NOD2: variants seen among roughly 807,000 people sequenced by gnomAD.
NOD2 encodes nucleotide-binding oligomerization domain-containing protein 2.
Under a neutral mutation model 90.9 loss-of-function variants are expected in NOD2, and 86 were observed. That is an observed-to-expected ratio of 0.95 (90% CI 0.79 to 1.13). The LOEUF (loss-of-function observed/expected upper bound fraction) is 1.13, where lower values mean the gene tolerates loss of function less well. NOD2 is among the 50% of genes most tolerant of loss of function. The pLI is 0.00. For synonymous variants in NOD2, 581 were observed against 554.6 expected (o/e 1.05, Z -0.67); for missense variants, 1,238 against 1,283.8 (o/e 0.96, Z 0.55).
At chr16:50,727,945 C>T (rs763740873) in intron 10 of NOD2, 5 of 257,638 alleles carry the variant, frequency 1.9e-5, no homozygotes, top group Middle Eastern at 7.9e-4. Flanking sequence ...AGCTTCTTCT[C>T]GGTCCAACCA....
At chr16:50,701,157 C>G (rs944661560) in intron 2 of NOD2, among the ~76,000 whole-genome samples, 7 of 152,194 alleles carry the variant, frequency 4.6e-5, no homozygotes, top group African/African-American at 1.4e-4. Flanking sequence ...ACTTATTCAT[C>G]CATCATTCAT....
chr16:50,731,945 G>A lies in NOD2; in HGVS notation c.*126G>A. ...CCCTGTCCTGCCTAAGGCTGAACTTGTTTTCTGGGAACACCATAGGTCACC... is the reference window on the plus strand; with the variant it reads ...CCCTGTCCTGCCTAAGGCTGAACTTATTTTCTGGGAACACCATAGGTCACC... On this transcript the variant is annotated 3_prime_UTR_variant, in exon 12 of 12. Transcript: ENST00000647318. 1 of 742,412 alleles carries A rather than the reference G, an allele frequency of 1.3e-6. No individual in the cohort carries two copies. 46.0% of individuals were successfully genotyped at this position (742,412 alleles called of 1,614,324 possible).
At chr16:50,723,449 A>G (rs1965158791) in intron 9 of NOD2, 65 bp downstream of exon 9, 1 of 1,431,476 alleles carries the variant, frequency 7.0e-7, no homozygotes. Context: ...CCCTGGCCTC[A>G]TCCATAGGAG....
intron 9 of NOD2, among the ~76,000 whole-genome samples, chr16:50,723,913 A>T (rs1965176860): frequency 6.6e-6 from 1 of 152,192 alleles, no homozygotes; most frequent in Admixed American, 6.5e-5. Flanking sequence ...TACAACTACT[A>T]TAGTACTGTG....
intron 10 of NOD2, chr16:50,728,072 G>T: frequency 8.9e-6 from 2 of 225,578 alleles, no homozygotes; most frequent in South Asian, 1.2e-4. Context: ...TCAAAATGAC[G>T]ATTTTCTTGG....
rs774822066 is a variant in NOD2 at position 50,711,498 on chromosome 16, C to T, written c.1506C>T (p.Asp502=). The T allele has an allele frequency of 3.1e-6, 5 of 1,613,268 alleles. No individual in the cohort carries two copies. In the African/African-American group the frequency reaches 4.0e-5, roughly 13 times the overall value. The change falls in exon 4 of 12, where the codon GAC becomes GAT. Residue 502 remains aspartate (D), a synonymous_variant. Transcript: ENST00000647318. The stretch of plus-strand genomic sequence containing the variant: ...TTCTGCTGCATGCCACCCCCCCAGA[C>T]TCAGCTTCCCAAGGTCTGGGACCCA... The part of the protein sequence containing the change: ...QHFLLHATPP[D]SASQGLGPSL...
intron 10 of NOD2, among the ~76,000 whole-genome samples, chr16:50,726,164 A>C (rs1965257379): frequency 6.6e-6 from 1 of 152,174 alleles, no homozygotes; most frequent in Non-Finnish European, 1.5e-5. Context: ...GACTTGTGCC[A>C]CAAAGAGATG....
intron 2 of NOD2, among the ~76,000 whole-genome samples, chr16:50,702,106 G>A (rs910789404): frequency 6.6e-6 from 1 of 152,116 alleles, no homozygotes; most frequent in Non-Finnish European, 1.5e-5. Context: ...CACCATACCA[G>A]GCTAATTTTT....
chr16:50,708,214 A>G (rs1044194626), intron 3 of NOD2, among the ~76,000 whole-genome samples: 1 of 152,218 alleles, frequency 6.6e-6, no homozygotes, highest in African/African-American at 2.4e-5. Context: ...GGGCTACCAT[A>G]TATTGAGGGC....
At position 50,719,984 on chromosome 16, in the gene NOD2, G is replaced by T. The variant is rs746542083; in HGVS notation, c.2609G>T (p.Gly870Val). 3.1e-6 allele frequency: 5 copies of T among 1,614,194 alleles called. No homozygotes were observed. Among genetic ancestry groups the T allele is most frequent in the Non-Finnish European group, 4.2e-6 (5 of 1,180,030 alleles). Residue 870 changes from glycine to valine, a missense_variant, in exon 7 of 12, where the codon GGC (glycine) becomes GTC (valine). Gly to Val is a moderately radical substitution (Grantham distance 109). Around this residue, in one of 3 missense-constraint regions of NOD2, gnomAD observed 667 missense variants for 688.7 expected, o/e 0.97. Coordinates refer to ENST00000647318, the MANE Select transcript of NOD2 (RefSeq NM_001370466.1). Reference protein sequence around the residue: ...GAQVLAEGLRGNTSLQFLGFW... With the variant: ...GAQVLAEGLRVNTSLQFLGFW... ...CAAGTGCTGGCCGAGGGGCTCCGAGGCAACACCTCCTTGCAGTTCCTGGGG... is the reference window on the plus strand; with the variant it reads ...CAAGTGCTGGCCGAGGGGCTCCGAGTCAACACCTCCTTGCAGTTCCTGGGG...
intron 6 of NOD2, among the ~76,000 whole-genome samples, chr16:50,718,273 A>G (rs1964886967): frequency 6.6e-6 from 1 of 152,160 alleles, no homozygotes; most frequent in African/African-American, 2.4e-5. Flanking sequence ...ATCTGCTCCC[A>G]GAGATCCCTA....
chr16:50,698,677 G>A (rs1473152226), intron 1 of NOD2, among the ~76,000 whole-genome samples: 1 of 152,146 alleles, frequency 6.6e-6, no homozygotes, highest in East Asian at 1.9e-4. Flanking sequence ...TTAGCTTCTT[G>A]GTGCCTCAGT....
chr16:50,702,792 G>T (rs763667596), intron 2 of NOD2, among the ~76,000 whole-genome samples: 1 of 152,290 alleles, frequency 6.6e-6, no homozygotes, highest in East Asian at 1.9e-4. Flanking sequence ...TGCCCAAATC[G>T]CCCATCTGGG....
chr16:50,700,022 G>A, intron 2 of NOD2, 68 bp downstream of exon 2: 1 of 1,447,826 alleles, frequency 6.9e-7, no homozygotes, highest in Admixed American at 1.8e-5. Context: ...AGACTGATTT[G>A]TCCTCATGAA....
intron 4 of NOD2, chr16:50,712,629 C>G (rs1370627375): frequency 3.5e-6 from 2 of 568,828 alleles, no homozygotes; most frequent in Non-Finnish European, 6.3e-6. Context: ...TCTACAACCA[C>G]CCTGGCGGGT....
intron 3 of NOD2, among the ~76,000 whole-genome samples, 190 bp downstream of exon 3, chr16:50,708,150 C>T (rs551940865): frequency 5.3e-5 from 8 of 152,260 alleles, no homozygotes; most frequent in African/African-American, 1.7e-4. Context: ...AGGACAAAAG[C>T]GTGTAATGTT....
intron 11 of NOD2, among the ~76,000 whole-genome samples, chr16:50,730,392 C>T (rs1398289389): frequency 6.6e-6 from 1 of 152,158 alleles, no homozygotes; most frequent in Non-Finnish European, 1.5e-5. Flanking sequence ...TCTTTCATTG[C>T]CTTAAAAAGA....
chr16:50,727,532 A>G (rs558974934), intron 10 of NOD2: 5 of 262,784 alleles, frequency 1.9e-5, no homozygotes, highest in South Asian at 1.4e-4. Flanking sequence ...TCGGGATTCA[A>G]CAAACTCTTG....
Position 50,712,152 on chromosome 16 carries a change from C to G in NOD2, c.2160C>G (p.Tyr720Ter). 6.2e-7 allele frequency: 1 copy of G among 1,614,106 alleles called. No individual in the cohort carries two copies. Among genetic ancestry groups the G allele is most frequent in the Non-Finnish European group, 8.5e-7 (1 of 1,180,046 alleles). Residue 720 changes from tyrosine (Y) to a stop codon, truncating the protein, a stop_gained, in exon 4 of 12, where the codon TAC becomes TAG. Transcript: ENST00000647318. LOFTEE classifies it high-confidence loss of function. The stretch of plus-strand genomic sequence containing the variant: ...TCATCTGGCTCATCCGGAGCCTGTA[C>G]GAGATGCAGGAGGAGCGGCTGGCTC... ...PGFIWLIRSL[Y>*]EMQEERLARK...
Sources: allele counts gnomAD v4.1 joint callset (sites outside exome capture counted in the v4.1 genomes callset), GRCh38; gene constraint gnomAD v4.1.1; regional missense constraint gnomAD v4.1.1; transcripts MANE v1.5; gene names NCBI Gene and HGNC (gene_info 2026-07-23, HGNC 2026-07-21).